RTN4: variants seen among roughly 807,000 people sequenced by gnomAD.
The protein encoded by RTN4 is reticulon 4, also known as reticulon-4.
A neutral mutation model predicts 90.4 loss-of-function variants in RTN4; 32 were observed. The observed-to-expected ratio is 0.35, with a 90% confidence interval of 0.27 to 0.48. RTN4 has a LOEUF of 0.48. Among genes scored for constraint, RTN4 ranks in the 20% least tolerant of loss-of-function variants. The pLI, the probability that RTN4 is intolerant of heterozygous loss-of-function variation, is 0.99. For missense variants in RTN4, 1,706 were observed against 1,430.2 expected, an observed-to-expected ratio of 1.19 and a Z score of -3.11; for synonymous variants, 629 against 552.5, an observed-to-expected ratio of 1.14 and a Z score of -1.94.
At chr2:55,076,438 C>T (rs1368339444) in intron 2 of RTN4, among the ~76,000 whole-genome samples, 4 of 135,922 alleles carry the variant, frequency 2.9e-5, no homozygotes, top group African/African-American at 8.6e-5. Flanking sequence ...CTCACTCTGT[C>T]GCCCAGGCTG....
At chr2:55,124,204 C>T in the RTN4 span, among the ~76,000 whole-genome samples, 40 of 152,178 alleles carry the variant, frequency 2.6e-4, 1 homozygote, top group Admixed American at 2.2e-3. Context: ...GGACACACCA[C>T]GGAACAAGAC....
chr2:55,019,602 T>C (rs563651379), intron 3 of RTN4, among the ~76,000 whole-genome samples: 2 of 152,236 alleles, frequency 1.3e-5, no homozygotes, highest in Admixed American at 6.6e-5. Context: ...CTAGGAAACA[T>C]CGGACAAATC....
At chr2:54,994,410 C>T (rs79991016) in intron 3 of RTN4, among the ~76,000 whole-genome samples, 9,758 of 152,150 alleles carry the variant, frequency 0.064, 961 homozygotes, top group African/African-American at 0.21. Flanking sequence ...CTCAGAAATA[C>T]AAGATTGATT....
At position 55,026,817 on chromosome 2, in the gene RTN4, TATCTGCAAA is replaced by T. The variant is rs1681922968; in HGVS notation, c.1273_1281del (p.Phe425_Asp427del). 6.2e-7 allele frequency: 1 copy of T among 1,613,996 alleles called. No homozygotes were observed. Among genetic ancestry groups the T allele is most frequent in the African/African-American group, 1.3e-5 (1 of 75,036 alleles). On this transcript the variant is annotated inframe_deletion, in exon 3 of 9. Transcript: ENST00000337526. ...TTTTCGTGATTAGTTTGCTCAAGGC[TATCTGCAAA>T]ACATTTTTTATCCACTTTACTTTCC...
the RTN4 span, among the ~76,000 whole-genome samples, chr2:55,121,271 T>A: frequency 2.6e-5 from 4 of 152,140 alleles, no homozygotes; most frequent in African/African-American, 7.2e-5. Flanking sequence ...GCAGTTAAAC[T>A]GGTAAAAAAT....
chr2:54,991,942 T>G (rs756119820), intron 3 of RTN4, among the ~76,000 whole-genome samples: 1 of 152,220 alleles, frequency 6.6e-6, no homozygotes, highest in Non-Finnish European at 1.5e-5. Flanking sequence ...TTAAGCCTGA[T>G]AGATGTTTTG....
At chr2:55,065,638 C>G (rs1401015390) in intron 2 of RTN4, among the ~76,000 whole-genome samples, 1 of 152,010 alleles carries the variant, frequency 6.6e-6, no homozygotes, top group Non-Finnish European at 1.5e-5. Flanking sequence ...CCTAGAGAAC[C>G]CACGTTGAAC....
Position 55,026,213 on chromosome 2 carries a change from GCA to G in RTN4, c.1884_1885del (p.Ala629PhefsTer16). 6.2e-7 allele frequency: 1 copy of G among 1,613,738 alleles called. No homozygotes were observed. Among genetic ancestry groups the G allele is most frequent in the Non-Finnish European group, 8.5e-7 (1 of 1,179,872 alleles). On this transcript the variant is annotated frameshift_variant, in exon 3 of 9. Coordinates refer to ENST00000337526, the MANE Select transcript of RTN4 (RefSeq NM_020532.5). LOFTEE classifies it high-confidence loss of function. ...TGATGAGCTGGGCTGTATCACGGAA[GCA>G]CCAGCACTAGGAACTGCAGAATTCA...
rs1488436588 is a variant in RTN4 at position 55,050,036 on chromosome 2, C to A, written c.265G>T (p.Ala89Ser). The A allele has an allele frequency of 3.6e-6, 5 of 1,399,860 alleles. No individual in the cohort carries two copies. Among genetic ancestry groups the A allele is most frequent in the Non-Finnish European group, 4.6e-6 (5 of 1,083,984 alleles). The allele number at this position is 1,399,860 out of a possible 1,614,324, so 86.7% of individuals were successfully genotyped here. A position where few individuals can be genotyped will look rare whatever the true frequency, so the allele number is the denominator to read the frequency against. ...GCGGCCGGCAGGGGTCCCCGGGGCG[C>A]CGGCGGCACGAAGTCATTTCCGAAG... ...MDFGNDFVPP[A>S]PRGPLPAAPP... The change falls in exon 1 of 9, where the codon GCG becomes TCG. Residue 89 changes from alanine (A) to serine (S), a missense_variant. Coordinates refer to ENST00000337526, the MANE Select transcript of RTN4 (RefSeq NM_020532.5). The surrounding 1 kb of genome is among the most constrained non-coding windows in gnomAD (Gnocchi z 4.6).
At chr2:55,039,496 A>G (rs1682917139) in intron 1 of RTN4, among the ~76,000 whole-genome samples, 2 of 152,366 alleles carry the variant, frequency 1.3e-5, no homozygotes, top group Admixed American at 6.5e-5. Flanking sequence ...AGTAAATAAT[A>G]GTCAATGTGA....
chr2:54,998,625 G>C (rs758968780), intron 3 of RTN4, among the ~76,000 whole-genome samples: 2 of 152,082 alleles, frequency 1.3e-5, no homozygotes, highest in African/African-American at 2.4e-5. Flanking sequence ...CTAGACCCTG[G>C]AAAACTGATA....
the RTN4 span, among the ~76,000 whole-genome samples, chr2:55,131,127 G>A: frequency 6.6e-6 from 1 of 152,150 alleles, no homozygotes; most frequent in Admixed American, 6.5e-5. Flanking sequence ...ACCCAGGCTA[G>A]AGTGCAGTGG....
chr2:55,099,392 T>C (rs1460860921), intron 1 of RTN4, among the ~76,000 whole-genome samples: 1 of 152,098 alleles, frequency 6.6e-6, no homozygotes, highest in Non-Finnish European at 1.5e-5. Context: ...TGGGAGCCTC[T>C]TTAAGTTGGT....
rs11549898 is a variant in RTN4 at position 54,987,503 on chromosome 2, C to G, written c.3209G>C (p.Gly1070Ala). ...CCAGACATCTCACCTGAATGGGTGG[C>G]CTTCATCTGATTTCTGGATAGCTTG... ...VIQAIQKSDE[G>A]HPFRAYLESE... The change falls in exon 4 of 9, where the codon GGC becomes GCC. Residue 1070 changes from glycine to alanine, a missense_variant. Transcript: ENST00000337526. The G allele has an allele frequency of 4.1e-3, 6,570 of 1,613,038 alleles. 15 individuals are homozygous for G. Among genetic ancestry groups the G allele is most frequent in the Non-Finnish European group, 5.0e-3 (5,922 of 1,178,970 alleles).
intron 1 of RTN4, among the ~76,000 whole-genome samples, chr2:55,081,694 C>A (rs536155372): frequency 1.3e-3 from 203 of 151,996 alleles, no homozygotes; most frequent in Non-Finnish European, 2.1e-3. Flanking sequence ...GAGACCTCAT[C>A]TCTCAAAAAT....
intron 3 of RTN4, among the ~76,000 whole-genome samples, chr2:55,013,652 G>T (rs907483076): frequency 8.0e-5 from 12 of 150,746 alleles, no homozygotes; most frequent in Admixed American, 7.3e-4. Context: ...TAACTGGCAA[G>T]ATTTCAGACA....
chr2:55,136,311 C>G, the RTN4 span, among the ~76,000 whole-genome samples: 1 of 152,222 alleles, frequency 6.6e-6, no homozygotes, highest in South Asian at 2.1e-4. Flanking sequence ...CACACGGCCC[C>G]TTCCAGGTGC....
At chr2:55,059,915 C>T (rs1015589238) in intron 2 of RTN4, among the ~76,000 whole-genome samples, 7 of 151,946 alleles carry the variant, frequency 4.6e-5, no homozygotes, top group African/African-American at 1.4e-4. Flanking sequence ...TGGGTTCAAG[C>T]GATCCTCCTG....
At chr2:55,049,499 G>C (rs1667971121) in intron 1 of RTN4, 1 of 590,964 alleles carries the variant, frequency 1.7e-6, no homozygotes, top group African/African-American at 1.9e-5. Flanking sequence ...CAGGGTGAAA[G>C]TGGGAGCCGG....
Sources: gnomAD v4.1 joint callset for allele counts (sites outside exome capture counted in the v4.1 genomes callset) on GRCh38, gnomAD v4.1.1 for gene constraint, Gnocchi (gnomAD v3.1) non-coding constraint, MANE v1.5 for transcripts, NCBI Gene and HGNC (gene_info 2026-07-23, HGNC 2026-07-21) for gene names.